COLEC12: variants seen among roughly 807,000 people sequenced by gnomAD.
COLEC12 encodes collectin-12.
In COLEC12, 33 loss-of-function variants were observed where a neutral mutation model predicts 71.1. The ratio of observed to expected loss-of-function variants is 0.46; its 90% CI spans 0.35 to 0.62. COLEC12 has a LOEUF of 0.62. Among genes scored for constraint, COLEC12 ranks in the 20% least tolerant of loss-of-function variants. COLEC12 has a pLI of 0.00. For synonymous variants in COLEC12, 350 were observed against 353.0 expected (o/e 0.99, Z 0.10); for missense variants, 765 against 916.1 (o/e 0.84, Z 2.13).
At chr18:350,588 C>G (rs1402522108) in intron 3 of COLEC12, among the ~76,000 whole-genome samples, 1 of 152,060 alleles carries the variant, frequency 6.6e-6, no homozygotes, top group African/African-American at 2.4e-5. Flanking sequence ...CTTCTAGCAG[C>G]TTGGGATCAA....
In COLEC12 at chr18:347,278, A is replaced by G; in HGVS notation, c.344T>C (p.Ile115Thr). 6.2e-7 allele frequency: 1 copy of G among 1,614,154 alleles called. No homozygotes were observed. The highest frequency in any genetic ancestry group is 8.5e-7 in the Non-Finnish European group (1 of 1,180,028). ...ACGAAGTTGCTGACGGAGATCTAGA[A>G]TGTCTGATCTGAAGGTGGAGAGTTC... ...NSELSTFRSDILDLRQQLREI... is the reference protein window; with the variant it reads ...NSELSTFRSDTLDLRQQLREI... Residue 115 changes from isoleucine to threonine, a missense_variant, in exon 5 of 10, where the codon ATT (isoleucine) becomes ACT (threonine). Transcript: ENST00000400256.
At chr18:431,674 T>C (rs1270181128) in intron 2 of COLEC12, among the ~76,000 whole-genome samples, 5 of 151,976 alleles carry the variant, frequency 3.3e-5, no homozygotes, top group Non-Finnish European at 7.4e-5. Context: ...GGTGGAGAGG[T>C]CCAGCAATAA....
chr18:471,971 C>T (rs555543424), intron 2 of COLEC12, among the ~76,000 whole-genome samples: 1 of 152,292 alleles, frequency 6.6e-6, no homozygotes, highest in African/African-American at 2.4e-5. Context: ...TGAAACAAAG[C>T]CTGGACACAC....
chr18:345,978 T>C (rs1305371802), intron 5 of COLEC12, among the ~76,000 whole-genome samples: 5 of 152,240 alleles, frequency 3.3e-5, no homozygotes, highest in African/African-American at 9.6e-5. Flanking sequence ...AGCTGCCACA[T>C]TGTGAGGACA....
chr18:325,720 G>A lies in COLEC12; in HGVS notation c.2064-3913C>T, dbSNP rs557027667. Among the ~76,000 whole-genome samples, 16 of 138,290 alleles carry A rather than the reference G, an allele frequency of 1.2e-4. No homozygotes were observed. The East Asian group carries it at 2.5e-3, about 21-fold the overall frequency. The allele number at this position is 138,290 out of a possible 152,430, so 90.7% of individuals were successfully genotyped here. On this transcript the variant is annotated intron_variant, in intron 8 of 9. Transcript: ENST00000400256. ...GAAAAAAAGCCAAGGCTGGAATGCA[G>A]AGGTGTCATCACAGCTCACTGCAGC...
chr18:407,685 G>A (rs1379159454), intron 2 of COLEC12, among the ~76,000 whole-genome samples: 1 of 152,168 alleles, frequency 6.6e-6, no homozygotes, highest in Non-Finnish European at 1.5e-5. Context: ...CGTTAATCTT[G>A]TCCAGAAACA....
intron 2 of COLEC12, among the ~76,000 whole-genome samples, chr18:368,787 AC>A (rs1466655405): frequency 6.6e-6 from 1 of 152,014 alleles, no homozygotes; most frequent in African/African-American, 2.4e-5. Context: ...AATGGCGTGA[AC>A]CCGGGAGGCG....
intron 1 of COLEC12, among the ~76,000 whole-genome samples, chr18:493,525 G>A (rs1000123144): frequency 3.3e-5 from 5 of 152,176 alleles, no homozygotes; most frequent in African/African-American, 1.2e-4. Flanking sequence ...CAGATTATCT[G>A]AACCTCAAAC....
intron 2 of COLEC12, among the ~76,000 whole-genome samples, chr18:451,918 T>C (rs778464250): frequency 6.6e-6 from 1 of 152,176 alleles, no homozygotes; most frequent in Admixed American, 6.5e-5. Flanking sequence ...GAGCCAAGTA[T>C]TATTAATAAT....
intron 2 of COLEC12, among the ~76,000 whole-genome samples, chr18:414,059 T>C (rs1915942114): frequency 6.6e-6 from 1 of 152,232 alleles, no homozygotes; most frequent in Non-Finnish European, 1.5e-5. Flanking sequence ...ATTTTTTGTA[T>C]CTTGACTTTG....
chr18:397,787 C>A (rs1318177659), intron 2 of COLEC12, among the ~76,000 whole-genome samples: 1 of 152,192 alleles, frequency 6.6e-6, no homozygotes, highest in African/African-American at 2.4e-5. Context: ...CCACTAGACT[C>A]TCTGCCCTTG....
intron 2 of COLEC12, among the ~76,000 whole-genome samples, chr18:436,056 G>C (rs922909874): frequency 1.3e-5 from 2 of 152,178 alleles, no homozygotes; most frequent in African/African-American, 4.8e-5. Context: ...CCACATTATT[G>C]CTACAAAACA....
chr18:458,847 T>C (rs1916922182), intron 2 of COLEC12, among the ~76,000 whole-genome samples: 1 of 152,224 alleles, frequency 6.6e-6, no homozygotes, highest in African/African-American at 2.4e-5. Context: ...TCAGATAACT[T>C]CTTTTTGAGA....
chr18:403,052 T>G (rs1156592792), intron 2 of COLEC12, among the ~76,000 whole-genome samples: 1 of 152,192 alleles, frequency 6.6e-6, no homozygotes, highest in Non-Finnish European at 1.5e-5. Context: ...CTAAGAGCTA[T>G]GTATGGCCAG....
intron 2 of COLEC12, among the ~76,000 whole-genome samples, chr18:389,317 G>C (rs965759624): frequency 6.8e-5 from 10 of 148,074 alleles, no homozygotes; most frequent in Admixed American, 2.0e-4. Context: ...ATAGTGGCAC[G>C]ATCTAGGTTC....
chr18:420,582 T>C (rs1916078609), intron 2 of COLEC12, among the ~76,000 whole-genome samples: 2 of 152,134 alleles, frequency 1.3e-5, no homozygotes, highest in Non-Finnish European at 1.5e-5. Context: ...TCCCTCAAGG[T>C]AGAGGTTAAA....
At chr18:495,472 C>T (rs144724406) in intron 1 of COLEC12, among the ~76,000 whole-genome samples, 2 of 152,162 alleles carry the variant, frequency 1.3e-5, no homozygotes, top group Non-Finnish European at 2.9e-5. Context: ...TTGGTGGCTA[C>T]AGTGGGCCAT....
chr18:341,299 G>T (rs534611259), intron 5 of COLEC12, among the ~76,000 whole-genome samples: 80 of 152,320 alleles, frequency 5.3e-4, no homozygotes, highest in African/African-American at 1.9e-3. Flanking sequence ...AAGTTACTCA[G>T]GCTCTCTGCG....
chr18:409,098 A>T (rs1362604475), intron 2 of COLEC12, among the ~76,000 whole-genome samples: 1 of 149,652 alleles, frequency 6.7e-6, no homozygotes, highest in African/African-American at 2.4e-5. Flanking sequence ...AGCCTCCCAA[A>T]GTGCTGGGAT....
Sources: allele counts gnomAD v4.1 joint callset (sites outside exome capture counted in the v4.1 genomes callset), GRCh38; gene constraint gnomAD v4.1.1; transcripts MANE v1.5; gene names NCBI Gene and HGNC (gene_info 2026-07-23, HGNC 2026-07-21).